ARMC8: variants seen among roughly 807,000 people sequenced by gnomAD.
The protein encoded by ARMC8 is armadillo repeat containing 8, also known as armadillo repeat-containing protein 8.
Under a neutral mutation model 99.3 loss-of-function variants are expected in ARMC8, and 20 were observed. The ratio of observed to expected loss-of-function variants is 0.20; its 90% confidence interval spans 0.14 to 0.29. The LOEUF (loss-of-function observed/expected upper bound fraction) is 0.29. Ranked by LOEUF, ARMC8 falls within the 10% of genes least tolerant of loss-of-function variation. The pLI, the probability that ARMC8 is intolerant of heterozygous loss-of-function variation, is 1.00. For synonymous variants in ARMC8, 263 were observed against 278.3 expected (o/e 0.95, Z 0.55); for missense variants, 569 against 809.5 (o/e 0.70, Z 3.60).
At chr3:138,239,342 C>T in intron 9 of ARMC8, 126 bp from the exon 10 acceptor site, 2 of 634,198 alleles carry the variant, frequency 3.2e-6, no homozygotes, top group South Asian at 4.2e-5. Context: ...TTGTCAAAAT[C>T]TTCACTCTCA....
intron 18 of ARMC8, among the ~76,000 whole-genome samples, chr3:138,278,083 G>T (rs1338369801): frequency 6.6e-6 from 1 of 152,148 alleles, no homozygotes; most frequent in Non-Finnish European, 1.5e-5. Context: ...ACAAATCAAA[G>T]GTATCCAAGC....
intron 11 of ARMC8, 91 bp downstream of exon 11, chr3:138,242,074 C>G: frequency 1.0e-6 from 1 of 952,622 alleles, no homozygotes; most frequent in South Asian, 1.5e-5. Flanking sequence ...ATAACTACAG[C>G]TTAAAGCCCT....
intron 6 of ARMC8, among the ~76,000 whole-genome samples, chr3:138,231,448 G>T (rs1306548083): frequency 6.6e-6 from 1 of 151,984 alleles, no homozygotes; most frequent in Non-Finnish European, 1.5e-5. Context: ...AAAAGGGAGA[G>T]CTCACTAAAG....
Position 138,237,465 on chromosome 3 carries a change from G to C in ARMC8, c.686-17G>C. 6.2e-7 allele frequency: 1 copy of C among 1,612,430 alleles called. No individual in the cohort carries two copies. The highest frequency in any genetic ancestry group is 2.2e-5 in the East Asian group (1 of 44,814). On this transcript the variant is annotated splice_polypyrimidine_tract_variant and intron_variant, in intron 8 of 21. Transcript: ENST00000469044. ...TTAAAGAATTTCCTTAATCATTGTT[G>C]TTTGTTTTATTTCTAGTTTTGGTTG...
Position 138,223,750 on chromosome 3 carries a change from T to C in ARMC8, c.435+17T>C, listed in dbSNP as rs2045530341. 1.3e-6 allele frequency: 2 copies of C among 1,593,444 alleles called. No homozygotes were observed. The highest frequency in any genetic ancestry group is 2.2e-5 in the East Asian group (1 of 44,784). On this transcript the variant is annotated intron_variant, in intron 5 of 21. Coordinates refer to ENST00000469044, the MANE Select transcript of ARMC8 (RefSeq NM_001363941.2). ...CTGTATACAGTGAGTTTTAGATGTA[T>C]TTGAGACATTAGTTACATTTCACCA...
At chr3:138,254,377 C>G (rs1245231611) in intron 12 of ARMC8, among the ~76,000 whole-genome samples, 1 of 152,166 alleles carries the variant, frequency 6.6e-6, no homozygotes, top group Non-Finnish European at 1.5e-5. Context: ...ATTTAGCCAG[C>G]TAACCTGTGG....
intron 19 of ARMC8, among the ~76,000 whole-genome samples, chr3:138,285,005 C>T (rs1268794431): frequency 6.6e-6 from 1 of 152,242 alleles, no homozygotes; most frequent in Non-Finnish European, 1.5e-5. Context: ...TCAAAAAGCC[C>T]TCCACTTCTC....
At chr3:138,240,515 G>C (rs1053381766) in intron 10 of ARMC8, among the ~76,000 whole-genome samples, 1 of 152,046 alleles carries the variant, frequency 6.6e-6, no homozygotes, top group African/African-American at 2.4e-5. Flanking sequence ...TCACATAGTA[G>C]TCATGAGCAT....
chr3:138,197,151 A>T (rs2043784134), intron 1 of ARMC8, among the ~76,000 whole-genome samples: 1 of 152,214 alleles, frequency 6.6e-6, no homozygotes, highest in African/African-American at 2.4e-5. Flanking sequence ...GAATAGACAG[A>T]TTCGAAGTGG....
At chr3:138,280,522 C>G (rs537852159) in intron 18 of ARMC8, among the ~76,000 whole-genome samples, 2 of 147,424 alleles carry the variant, frequency 1.4e-5, no homozygotes, top group Non-Finnish European at 3.0e-5. Context: ...GAGACAGTCT[C>G]TCGCTCTGTC....
intron 19 of ARMC8, among the ~76,000 whole-genome samples, chr3:138,284,839 G>A (rs138881034): frequency 7.0e-4 from 107 of 152,218 alleles, no homozygotes; most frequent in Non-Finnish European, 9.1e-4. Context: ...CCTGTCTTCT[G>A]TCTCAAGGCT....
chr3:138,208,207 C>G (rs1179351160), intron 1 of ARMC8, among the ~76,000 whole-genome samples: 1 of 152,026 alleles, frequency 6.6e-6, no homozygotes, highest in African/African-American at 2.4e-5. Flanking sequence ...GTGGCTCATG[C>G]CTGTAATCCC....
chr3:138,270,013 A>ATT, intron 15 of ARMC8, 27 bp from the exon 16 acceptor site: 12 of 1,420,678 alleles, frequency 8.4e-6, no homozygotes, highest in South Asian at 1.2e-5. Flanking sequence ...TAAAGCTGTG[A>ATT]TTTTTTTTTT....
At chr3:138,263,900 A>G (rs2047998780) in intron 13 of ARMC8, 79 bp downstream of exon 13, 1 of 1,260,800 alleles carries the variant, frequency 7.9e-7, no homozygotes, top group African/African-American at 1.5e-5. Flanking sequence ...TCACTGAGTA[A>G]ACACAGACTA....
intron 14 of ARMC8, among the ~76,000 whole-genome samples, chr3:138,264,895 T>C (rs2048124536): frequency 1.5e-5 from 2 of 130,106 alleles, no homozygotes; most frequent in South Asian, 4.5e-4. Flanking sequence ...AATCCCTGGA[T>C]TTTTTTTTTT....
At chr3:138,220,838 T>A (rs916718006) in intron 2 of ARMC8, among the ~76,000 whole-genome samples, 1 of 151,844 alleles carries the variant, frequency 6.6e-6, no homozygotes, top group African/African-American at 2.4e-5. Flanking sequence ...CACAAGTGCG[T>A]GCCACCACAC....
At chr3:138,252,377 A>G (rs952614932) in intron 12 of ARMC8, among the ~76,000 whole-genome samples, 2 of 152,170 alleles carry the variant, frequency 1.3e-5, no homozygotes, top group Non-Finnish European at 2.9e-5. Flanking sequence ...CACAAAGTCT[A>G]AAATATTTAC....
At chr3:138,187,685 T>C (rs774998252) in intron 1 of ARMC8, 86 bp downstream of exon 1, 1 of 1,411,706 alleles carries the variant, frequency 7.1e-7, no homozygotes, top group Non-Finnish European at 9.7e-7. Context: ...GTGTGCCTCC[T>C]GGGCACCACC....
chr3:138,253,878 T>C (rs755425199), intron 12 of ARMC8, among the ~76,000 whole-genome samples: 1 of 152,194 alleles, frequency 6.6e-6, no homozygotes, highest in Non-Finnish European at 1.5e-5. Flanking sequence ...ATTTTTGCCC[T>C]GAACAGTGTA....
Sources: gnomAD v4.1 joint callset for allele counts (sites outside exome capture counted in the v4.1 genomes callset) on GRCh38, gnomAD v4.1.1 for gene constraint, MANE v1.5 for transcripts, NCBI Gene and HGNC (gene_info 2026-07-23, HGNC 2026-07-21) for gene names.